PKP4: variants seen among roughly 807,000 people sequenced by gnomAD.
PKP4 encodes plakophilin 4, also known as plakophilin-4.
PKP4 carries 90 observed loss-of-function variants against 145.1 expected under a neutral mutation model. That is an observed-to-expected ratio of 0.62 (90% CI 0.52 to 0.74). The LOEUF (loss-of-function observed/expected upper bound fraction) is 0.74, where lower values mean the gene tolerates loss of function less well. PKP4 is among the 30% of genes least tolerant of loss of function. PKP4 has a pLI of 0.00. For synonymous variants in PKP4, 563 were observed against 577.2 expected, an observed-to-expected ratio of 0.98 and a Z score of 0.35; for missense variants, 1,340 against 1,482.7, an observed-to-expected ratio of 0.90 and a Z score of 1.58.
chr2:158,578,203 A>T, intron 3 of PKP4: 1 of 251,082 alleles, frequency 4.0e-6, no homozygotes. Context: ...AAAACTTCTT[A>T]GTGAATAGAA....
intron 1 of PKP4, among the ~76,000 whole-genome samples, chr2:158,499,130 A>T (rs1367538487): frequency 6.6e-6 from 1 of 152,184 alleles, no homozygotes; most frequent in Non-Finnish European, 1.5e-5. Context: ...GATTCTCCAC[A>T]ATCTGAGCAG....
rs138066392 is a variant in PKP4, at chr2:158,631,840, T to A, written c.1241T>A (p.Ile414Lys). ...TCTCCCGACTTGCACATTACTCCTATATATGAGGGGAGGACCTATTACAGC... is the reference window on the plus strand; with the variant it reads ...TCTCCCGACTTGCACATTACTCCTAAATATGAGGGGAGGACCTATTACAGC... ...AVSPDLHITPIYEGRTYYSPV... is the reference protein window; with the variant it reads ...AVSPDLHITPKYEGRTYYSPV... The change falls in exon 8 of 22, where the codon ATA becomes AAA. Residue 414 changes from isoleucine (I) to lysine (K), a missense_variant. Coordinates refer to ENST00000389759, the MANE Select transcript of PKP4 (RefSeq NM_003628.6). The A allele has an allele frequency of 2.7e-5, 43 of 1,613,960 alleles. No homozygotes were observed. The highest frequency in any genetic ancestry group is 3.4e-5 in the Non-Finnish European group (40 of 1,179,974).
intron 9 of PKP4, among the ~76,000 whole-genome samples, chr2:158,638,282 AG>A (rs1309709482): frequency 6.6e-6 from 1 of 152,226 alleles, no homozygotes. Context: ...CAGAAGTAAA[AG>A]TATATAAAAT....
intron 4 of PKP4, among the ~76,000 whole-genome samples, chr2:158,611,520 A>G (rs375709499): frequency 6.6e-6 from 1 of 152,246 alleles, no homozygotes; most frequent in African/African-American, 2.4e-5. Context: ...AAGTCAATTT[A>G]TCTTTTCTTT....
rs548180530 is a variant in PKP4 at position 158,630,146 on chromosome 2, C to T, written c.1154-1607C>T. ...TCCTTTCTCTTATATTTGGGATATA[C>T]CCTTAATTGATATTTTTACAAGTGA... On this transcript the variant is annotated intron_variant, in intron 7 of 21. Coordinates refer to ENST00000389759, the MANE Select transcript of PKP4 (RefSeq NM_003628.6). Among the ~76,000 whole-genome samples the T allele has an allele frequency of 2.9e-4, 44 of 152,122 alleles. 1 individual carries two copies. The highest frequency in any genetic ancestry group is 1.8e-3 in the Admixed American group (27 of 15,282).
intron 21 of PKP4, chr2:158,678,995 T>C: frequency 3.0e-6 from 1 of 329,140 alleles, no homozygotes; most frequent in Non-Finnish European, 5.8e-6. Context: ...GAGGGAAGGT[T>C]GGTAAGCACA....
intron 3 of PKP4, among the ~76,000 whole-genome samples, chr2:158,579,251 C>T (rs945810956): frequency 6.6e-6 from 1 of 152,092 alleles, no homozygotes; most frequent in Non-Finnish European, 1.5e-5. Context: ...AGTGCCCATC[C>T]TCTCACAGAA....
intron 7 of PKP4, among the ~76,000 whole-genome samples, chr2:158,630,386 TAGAA>T (rs2053237419): frequency 6.6e-6 from 1 of 152,228 alleles, no homozygotes. Flanking sequence ...TTCTTTATAC[TAGAA>T]AGAAGGTAAA....
At position 158,642,673 on chromosome 2, in the gene PKP4, A is replaced by T. The variant is rs1325113473; in HGVS notation, c.1883A>T (p.Asp628Val). The change falls in exon 11 of 22, where the codon GAT becomes GTT. Residue 628 changes from aspartate to valine, a missense_variant. Asp to Val is a radical substitution (Grantham distance 152). Coordinates refer to ENST00000389759, the MANE Select transcript of PKP4 (RefSeq NM_003628.6). ...ALLRLLRKSI[D>V]AEVRELVTGV... ...TTGCGACTGTTGAGAAAATCTATTG[A>T]TGCAGAAGTAAGGGAGCTTGTTACA... 6.2e-7 allele frequency: 1 copy of T among 1,608,672 alleles called. No individual in the cohort carries two copies. Among genetic ancestry groups the T allele is most frequent in the South Asian group, 1.1e-5 (1 of 90,316 alleles).
chr2:158,584,936 T>C (rs2048675435), intron 3 of PKP4, among the ~76,000 whole-genome samples: 1 of 152,184 alleles, frequency 6.6e-6, no homozygotes, highest in African/African-American at 2.4e-5. Flanking sequence ...ATAAATTGGT[T>C]CCAAGTATTT....
At chr2:158,637,911 C>T (rs1284054035) in intron 9 of PKP4, among the ~76,000 whole-genome samples, 2 of 152,182 alleles carry the variant, frequency 1.3e-5, no homozygotes, top group Non-Finnish European at 2.9e-5. Context: ...GAATTTTCAT[C>T]GAGGTTGGAG....
intron 2 of PKP4, among the ~76,000 whole-genome samples, chr2:158,555,982 C>A (rs2046055357): frequency 6.6e-6 from 1 of 152,142 alleles, no homozygotes; most frequent in South Asian, 2.1e-4. Flanking sequence ...TGATCAAATT[C>A]TAAGGACAGG....
At chr2:158,502,423 T>A (rs991992132) in intron 1 of PKP4, among the ~76,000 whole-genome samples, 2 of 152,152 alleles carry the variant, frequency 1.3e-5, no homozygotes, top group African/African-American at 4.8e-5. Context: ...ATTAGTGCCC[T>A]GGGCTGGAAA....
chr2:158,621,214 T>C lies in PKP4; in HGVS notation c.413-17T>C, dbSNP rs770395776. 14 of 1,613,700 alleles carry C rather than the reference T, an allele frequency of 8.7e-6. No homozygotes were observed. The highest frequency in any genetic ancestry group is 1.3e-5 in the African/African-American group (1 of 74,918). Reference sequence around the variant, plus strand: ...AAGTGTGTATAATAAAGATATTTCTTGGTTTCATTCTTACAGGATCATTGG... The same window carrying C: ...AAGTGTGTATAATAAAGATATTTCTCGGTTTCATTCTTACAGGATCATTGG... On this transcript the variant is annotated splice_polypyrimidine_tract_variant and intron_variant, in intron 5 of 21. Transcript: ENST00000389759.
At chr2:158,604,496 G>A (rs1044045402) in intron 4 of PKP4, among the ~76,000 whole-genome samples, 5 of 152,176 alleles carry the variant, frequency 3.3e-5, no homozygotes, top group African/African-American at 1.2e-4. Context: ...TTAGTGACAA[G>A]ATAGACCAAT....
chr2:158,470,741 A>G (rs1038614725), intron 1 of PKP4, among the ~76,000 whole-genome samples: 8 of 152,202 alleles, frequency 5.3e-5, no homozygotes, highest in Non-Finnish European at 1.0e-4. Flanking sequence ...TGGGCAGGCA[A>G]GAGAATACAG....
chr2:158,517,497 G>A (rs1033526486), intron 1 of PKP4, among the ~76,000 whole-genome samples: 1 of 152,128 alleles, frequency 6.6e-6, no homozygotes, highest in Non-Finnish European at 1.5e-5. Flanking sequence ...CTTTTAGATT[G>A]TAAGTTGGAT....
rs749634116 is a variant in PKP4 at position 158,634,284 on chromosome 2, C to A, written c.1557C>A (p.Asp519Glu). The A allele has an allele frequency of 1.7e-5, 28 of 1,613,202 alleles. No homozygotes were observed. Among genetic ancestry groups the A allele is most frequent in the Non-Finnish European group, 2.2e-5 (26 of 1,179,424 alleles). ...RSPSIDSIQKDPREFAWRDPE... is the reference protein window; with the variant it reads ...RSPSIDSIQKEPREFAWRDPE... ...CATCAATAGACAGCATTCAGAAGGACCCCAGGCGAGTACCAGTTAGGAGTC... is the reference window on the plus strand; with the variant it reads ...CATCAATAGACAGCATTCAGAAGGAACCCAGGCGAGTACCAGTTAGGAGTC... The change falls in exon 9 of 22, where the codon GAC becomes GAA. Residue 519 changes from aspartate (D) to glutamate (E), a missense_variant. Coordinates refer to ENST00000389759, the MANE Select transcript of PKP4 (RefSeq NM_003628.6).
At chr2:158,543,714 A>G (rs947955391) in intron 2 of PKP4, among the ~76,000 whole-genome samples, 1 of 152,238 alleles carries the variant, frequency 6.6e-6, no homozygotes, top group Non-Finnish European at 1.5e-5. Flanking sequence ...GAAATGAAAA[A>G]TTATTAAGTA....
Sources: allele counts gnomAD v4.1 joint callset (sites outside exome capture counted in the v4.1 genomes callset), GRCh38; gene constraint gnomAD v4.1.1; transcripts MANE v1.5; gene names NCBI Gene and HGNC (gene_info 2026-07-23, HGNC 2026-07-21).